Variants in TMEM108 observed in about 807,000 individuals in gnomAD.
The protein encoded by TMEM108 is cancer/testis antigen 124.
Under a neutral mutation model 35.1 loss-of-function variants are expected in TMEM108, and 12 were observed. The observed-to-expected ratio is 0.34, with a 90% CI of 0.22 to 0.55. TMEM108 has a LOEUF of 0.55. TMEM108 is among the 20% of genes least tolerant of loss of function. The pLI is 0.89. For missense variants in TMEM108, 680 were observed against 753.3 expected, an observed-to-expected ratio of 0.90 and a Z score of 1.14; for synonymous variants, 287 against 308.6, an observed-to-expected ratio of 0.93 and a Z score of 0.73.
At chr3:133,352,922 G>A (rs1193563845) in intron 3 of TMEM108, among the ~76,000 whole-genome samples, 4 of 152,074 alleles carry the variant, frequency 2.6e-5, no homozygotes, top group East Asian at 1.9e-4. Flanking sequence ...CAGGGGTTCC[G>A]GCTGAAAGTT....
At chr3:133,281,393 A>G (rs1281588648) in intron 3 of TMEM108, among the ~76,000 whole-genome samples, 1 of 152,234 alleles carries the variant, frequency 6.6e-6, no homozygotes, top group African/African-American at 2.4e-5. Context: ...TTCACCAAAA[A>G]ACCAGGCTTC....
intron 3 of TMEM108, among the ~76,000 whole-genome samples, chr3:133,311,295 C>T (rs1032778290): frequency 1.3e-5 from 2 of 152,168 alleles, no homozygotes; most frequent in African/African-American, 4.8e-5. Context: ...GGATAATATC[C>T]TGAAGAGTAT....
In TMEM108 at chr3:133,379,804, A is replaced by G. The variant is rs765405459; in HGVS notation, c.93A>G (p.Glu31=). The change falls in exon 4 of 6, where the codon GAA becomes GAG. Residue 31 remains glutamate, a synonymous_variant. Transcript: ENST00000321871. ...LTEALAFAIQ[E]PSPRESLQVL... Reference sequence around the variant, plus strand: ...AAGCGCTGGCATTTGCCATCCAGGAACCATCTCCCAGGGAATCTCTTCAGG... The same window carrying G: ...AAGCGCTGGCATTTGCCATCCAGGAGCCATCTCCCAGGGAATCTCTTCAGG... 5.0e-6 allele frequency: 8 copies of G among 1,613,754 alleles called. No homozygotes were observed. Among genetic ancestry groups the G allele is most frequent in the Middle Eastern group, 1.6e-4 (1 of 6,080 alleles).
intron 3 of TMEM108, among the ~76,000 whole-genome samples, chr3:133,312,136 G>T (rs1165259734): frequency 2.0e-5 from 3 of 152,240 alleles, no homozygotes; most frequent in African/African-American, 7.2e-5. Context: ...CCTGTATGAG[G>T]TGTCTGTCAG....
intron 3 of TMEM108, among the ~76,000 whole-genome samples, chr3:133,316,124 A>G (rs570826496): frequency 6.6e-6 from 1 of 152,370 alleles, no homozygotes; most frequent in Admixed American, 6.5e-5. Flanking sequence ...TATTCCATTC[A>G]TCACACAAAA....
chr3:133,274,061 C>G (rs1024998638), intron 3 of TMEM108, among the ~76,000 whole-genome samples: 1 of 152,112 alleles, frequency 6.6e-6, no homozygotes. Context: ...TATGTGACTC[C>G]TAGGCCAAGT....
intron 3 of TMEM108, among the ~76,000 whole-genome samples, chr3:133,361,557 G>A (rs756269357): frequency 2.6e-5 from 4 of 152,202 alleles, no homozygotes; most frequent in Non-Finnish European, 4.4e-5. Context: ...ACTTAGTGGG[G>A]ACAGCTTGTC....
At chr3:133,109,845 CA>C (rs1203889808) in intron 2 of TMEM108, among the ~76,000 whole-genome samples, 7 of 152,126 alleles carry the variant, frequency 4.6e-5, no homozygotes, top group Non-Finnish European at 1.0e-4. Context: ...TAACGTTATG[CA>C]GGGGGTGCAG....
intron 2 of TMEM108, among the ~76,000 whole-genome samples, chr3:133,163,134 C>T (rs1944985004): frequency 6.6e-6 from 1 of 152,176 alleles, no homozygotes; most frequent in Non-Finnish European, 1.5e-5. Context: ...CAGAGAGTGC[C>T]AAGCTAAAGA....
chr3:133,351,357 C>T (rs1576485512), intron 3 of TMEM108, among the ~76,000 whole-genome samples: 2 of 152,106 alleles, frequency 1.3e-5, no homozygotes, highest in East Asian at 3.9e-4. Flanking sequence ...GCATGGCCTC[C>T]AGGGAATATT....
chr3:133,360,209 G>A (rs1027667298), intron 3 of TMEM108, among the ~76,000 whole-genome samples: 1 of 152,076 alleles, frequency 6.6e-6, no homozygotes, highest in African/African-American at 2.4e-5. Flanking sequence ...AGATTTAACT[G>A]TAAAGGGACA....
intron 3 of TMEM108, among the ~76,000 whole-genome samples, chr3:133,238,637 T>G (rs534583670): frequency 6.6e-6 from 1 of 152,274 alleles, no homozygotes; most frequent in African/African-American, 2.4e-5. Flanking sequence ...CAAAAGAATT[T>G]CCCTTCAGAA....
intron 3 of TMEM108, among the ~76,000 whole-genome samples, chr3:133,278,156 T>C (rs1020022570): frequency 1.3e-5 from 2 of 152,230 alleles, no homozygotes; most frequent in Admixed American, 1.3e-4. Context: ...CTCTGGACTT[T>C]AACCTTCAGA....
intron 2 of TMEM108, among the ~76,000 whole-genome samples, chr3:133,183,423 T>A (rs1164291245): frequency 6.6e-6 from 1 of 152,040 alleles, no homozygotes; most frequent in Non-Finnish European, 1.5e-5. Flanking sequence ...ATCTTCTCCT[T>A]AGATATAGAG....
At chr3:133,160,406 T>C (rs1197187838) in intron 2 of TMEM108, among the ~76,000 whole-genome samples, 2 of 152,206 alleles carry the variant, frequency 1.3e-5, no homozygotes, top group Admixed American at 6.5e-5. Flanking sequence ...ATGTTCTCTG[T>C]TCCTCTGTCA....
chr3:133,168,098 T>G (rs1048815417), intron 2 of TMEM108, among the ~76,000 whole-genome samples: 1 of 152,114 alleles, frequency 6.6e-6, no homozygotes, highest in African/African-American at 2.4e-5. Context: ...GTGTCTAAAC[T>G]GAAAAAGGGA....
intron 2 of TMEM108, among the ~76,000 whole-genome samples, chr3:133,227,341 C>T (rs1946088620): frequency 6.6e-6 from 1 of 150,794 alleles, no homozygotes; most frequent in Non-Finnish European, 1.5e-5. Context: ...CTACAGGCGC[C>T]CACCACCTCG....
intron 2 of TMEM108, among the ~76,000 whole-genome samples, chr3:133,147,356 T>G (rs967486293): frequency 6.6e-6 from 1 of 152,196 alleles, no homozygotes; most frequent in Non-Finnish European, 1.5e-5. Flanking sequence ...ATTTTGCGTT[T>G]GCTTATGTGT....
intron 3 of TMEM108, among the ~76,000 whole-genome samples, chr3:133,240,278 A>G (rs976919855): frequency 9.9e-5 from 15 of 152,164 alleles, no homozygotes; most frequent in African/African-American, 3.6e-4. Flanking sequence ...TTCCAAGATG[A>G]TATTAACCCA....
Sources: allele counts gnomAD v4.1 joint callset (sites outside exome capture counted in the v4.1 genomes callset), GRCh38; gene constraint gnomAD v4.1.1; transcripts MANE v1.5; gene names NCBI Gene and HGNC (gene_info 2026-07-23, HGNC 2026-07-21).